Variants in CASZ1 observed in about 807,000 individuals in gnomAD.
CASZ1 encodes the protein castor zinc finger 1, also known as zinc finger protein castor homolog 1.
A neutral mutation model predicts 135.2 loss-of-function variants in CASZ1; 28 were observed. The observed-to-expected ratio is 0.21, with a 90% CI of 0.15 to 0.28. The LOEUF is 0.28. Among genes scored for constraint, CASZ1 ranks in the 10% least tolerant of loss-of-function variants. CASZ1 has a pLI of 1.00. For missense variants in CASZ1, 2,161 were observed against 2,453.3 expected (o/e 0.88, Z 2.52); for synonymous variants, 1,068 against 1,073.4 (o/e 0.99, Z 0.10).
rs747370682 is a variant in CASZ1 at position 10,653,583 on chromosome 1, G to A, written c.2474C>T (p.Ser825Leu). ...VGTPSLLGAV[S>L]SGSAASATPD... ...GGTGGCTGAGGCTGCTGACCCAGAC[G>A]ACACGGCACCCAGGAGGCTGGGGGT... Residue 825 changes from serine to leucine, a missense_variant, in exon 11 of 21, where the codon TCG (serine) becomes TTG (leucine). Around this residue, in one of 7 missense-constraint regions of CASZ1, gnomAD observed 406 missense variants for 387.6 expected, o/e 1.05. Transcript: ENST00000377022. The A allele has an allele frequency of 3.7e-5, 58 of 1,562,892 alleles. No individual in the cohort carries two copies. Among genetic ancestry groups the A allele is most frequent in the Middle Eastern group, 1.7e-4 (1 of 5,824 alleles).
rs778912711 is a variant in CASZ1 at position 10,639,113 on chromosome 1, G to GTCGTCGTCGTCC, written c.5097_5108dup (p.Glu1699_Asp1702dup). On this transcript the variant is annotated inframe_insertion, in exon 21 of 21. Coordinates refer to ENST00000377022, the MANE Select transcript of CASZ1 (RefSeq NM_001079843.3). The surrounding 1 kb of genome is among the most constrained non-coding windows in gnomAD (Gnocchi z 4.0). ...CGTCGTCGTCCTCGTCGTCGTCCTC[G>GTCGTCGTCGTCC]TCGTCGTCGTCCTCGTCGTCGTCCT... 1.1e-5 allele frequency: 12 copies of GTCGTCGTCGTCC among 1,132,762 alleles called. No homozygotes were observed. The highest frequency in any genetic ancestry group is 2.1e-5 in the South Asian group (1 of 46,922). The allele number at this position is 1,132,762 out of a possible 1,614,324, so 70.2% of individuals were successfully genotyped here.
At position 10,654,164 on chromosome 1, in the gene CASZ1, C is replaced by T. The variant is rs115296720; in HGVS notation, c.1893G>A (p.Lys631=). ...AGGCATCGTCCTTGATGTGGTAGCT[C>T]TTGTGCTTCTCGATGTCACACTTGT... The part of the protein sequence containing the change: ...FKNKCDIEKH[K]SYHIKDDAYA... Residue 631 remains lysine, a synonymous_variant, in exon 11 of 21, where the codon AAG becomes AAA. Transcript: ENST00000377022. The T allele has an allele frequency of 0.013, 21,061 of 1,614,218 alleles. 189 individuals carry two copies. Among genetic ancestry groups the T allele is most frequent in the Non-Finnish European group, 0.016 (18,997 of 1,180,044 alleles).
intron 1 of CASZ1, among the ~76,000 whole-genome samples, chr1:10,770,450 G>GA (rs967524250): frequency 1.3e-5 from 2 of 152,246 alleles, no homozygotes; most frequent in East Asian, 1.9e-4. Context: ...TAATCAAGGA[G>GA]AAAAAATAGA....
intron 4 of CASZ1, among the ~76,000 whole-genome samples, chr1:10,693,589 A>C (rs1638834822): frequency 6.7e-6 from 1 of 150,158 alleles, no homozygotes; most frequent in South Asian, 2.1e-4. Context: ...CCCCACAAAA[A>C]CCCCCTAAAT....
chr1:10,688,142 C>T (rs947542716), intron 4 of CASZ1, among the ~76,000 whole-genome samples: 8 of 152,168 alleles, frequency 5.3e-5, no homozygotes, highest in African/African-American at 1.2e-4. Flanking sequence ...TAGGAGCAGC[C>T]GTGGCAGAGG....
At chr1:10,640,654 T>A (rs1379815632) in intron 20 of CASZ1, among the ~76,000 whole-genome samples, 2 of 152,188 alleles carry the variant, frequency 1.3e-5, no homozygotes, top group Non-Finnish European at 2.9e-5. Context: ...CTTTAAGGTC[T>A]TGTTGGGGTT....
intron 4 of CASZ1, among the ~76,000 whole-genome samples, chr1:10,674,266 C>A (rs939008974): frequency 1.3e-5 from 2 of 152,264 alleles, no homozygotes; most frequent in East Asian, 1.9e-4. Context: ...AAGAGGAGGG[C>A]CAGTGCCTCC....
intron 5 of CASZ1, among the ~76,000 whole-genome samples, chr1:10,661,858 ATACACTCT>A (rs1249831693): frequency 3.6e-4 from 54 of 151,998 alleles, no homozygotes; most frequent in Non-Finnish European, 5.3e-4. Flanking sequence ...ATGCATTCTC[ATACACTCT>A]TACACAGTCA....
At position 10,660,315 on chromosome 1, in the gene CASZ1, T is replaced by A; in HGVS notation, c.727A>T (p.Ile243Phe). The change falls in exon 6 of 21, where the codon ATC becomes TTC. Residue 243 changes from isoleucine (I) to phenylalanine (F), a missense_variant. Coordinates refer to ENST00000377022, the MANE Select transcript of CASZ1 (RefSeq NM_001079843.3). ...RARFSKYEEY[I>F]RKLKAGEQLS... Reference sequence around the variant, plus strand: ...TGCTCGCCAGCCTTGAGCTTGCGGATGTACTCCTCATACTTAGAGAACCGC... The same window carrying A: ...TGCTCGCCAGCCTTGAGCTTGCGGAAGTACTCCTCATACTTAGAGAACCGC... 2 of 1,614,112 alleles carry A rather than the reference T, an allele frequency of 1.2e-6. No homozygotes were observed. Among genetic ancestry groups the A allele is most frequent in the Non-Finnish European group, 1.7e-6 (2 of 1,180,012 alleles).
At chr1:10,686,694 G>A (rs932203249) in intron 4 of CASZ1, among the ~76,000 whole-genome samples, 1 of 152,228 alleles carries the variant, frequency 6.6e-6, no homozygotes, top group African/African-American at 2.4e-5. Context: ...CCTTAATGGG[G>A]CCGTAACCGT....
Position 10,759,149 on chromosome 1 carries a change from C to T in CASZ1, c.-77+1552G>A, listed in dbSNP as rs1156671001. On this transcript the variant is annotated intron_variant, in intron 2 of 20. Transcript: ENST00000377022. This position sits in a 1 kb window ranked among gnomAD's most constrained non-coding sequence, Gnocchi z 4.2. ...TTACCCTCTCAGAGGGGAGGGGGCT[C>T]TGCAGGCACTCACAGCCTCTTCATG... Among the ~76,000 whole-genome samples the T allele has an allele frequency of 1.3e-5, 2 of 152,212 alleles. No homozygotes were observed. The highest frequency in any genetic ancestry group is 2.9e-5 in the Non-Finnish European group (2 of 68,036).
rs1038998583 is a variant in CASZ1 at position 10,638,271 on chromosome 1, T to A, written c.*671A>T. 6.6e-6 allele frequency: 1 copy of A among 151,750 alleles called. No homozygotes were observed. The highest frequency in any genetic ancestry group is 2.4e-5 in the African/African-American group (1 of 41,248). The allele number at this position is 151,750 out of a possible 1,614,324, so 9.4% of individuals were successfully genotyped here. On this transcript the variant is annotated 3_prime_UTR_variant, in exon 21 of 21. Transcript: ENST00000377022. This position sits in a 1 kb window ranked among gnomAD's most constrained non-coding sequence, Gnocchi z 5.9. The stretch of plus-strand genomic sequence containing the variant: ...GACCCCGCCCCGGCCCCCAGCGGGC[T>A]ACTCTGGGTTTTGGACGCAGCCTCG...
intron 5 of CASZ1, among the ~76,000 whole-genome samples, chr1:10,662,706 AAC>A (rs1643089907): frequency 6.6e-6 from 1 of 151,916 alleles, no homozygotes; most frequent in Admixed American, 6.6e-5. Flanking sequence ...ACCCAGACAC[AAC>A]ACACACACTC....
intron 2 of CASZ1, among the ~76,000 whole-genome samples, chr1:10,746,850 A>G (rs191958155): frequency 1.3e-5 from 2 of 152,358 alleles, no homozygotes; most frequent in East Asian, 3.9e-4. Flanking sequence ...CATCAAGCCA[A>G]AAGCCCTGGC....
Position 10,659,951 on chromosome 1 carries a change from G to A in CASZ1, c.1091C>T (p.Ala364Val). The A allele has an allele frequency of 3.1e-6, 5 of 1,612,888 alleles. No individual in the cohort carries two copies. The highest frequency in any genetic ancestry group is 4.2e-6 in the Non-Finnish European group (5 of 1,179,972). ...GCGCCCCACCTTGCCTGTCTTGAAG[G>A]CGATGGCCCCGCCCATGTCGGGGCT... ...EGSPDMGGAI[A>V]FKTGKVGRPS... Residue 364 changes from alanine to valine, a missense_variant, in exon 6 of 21, where the codon GCC (alanine) becomes GTC (valine). Transcript: ENST00000377022.
rs1360708213 is a variant in CASZ1 at position 10,697,619 on chromosome 1, T to C, written c.-23-3707A>G. Among the ~76,000 whole-genome samples the C allele has an allele frequency of 6.6e-6, 1 of 150,606 alleles. No individual in the cohort carries two copies. The highest frequency in any genetic ancestry group is 2.5e-5 in the African/African-American group (1 of 40,800). On this transcript the variant is annotated intron_variant, in intron 3 of 20. Transcript: ENST00000377022. The surrounding 1 kb of genome is among the most constrained non-coding windows in gnomAD (Gnocchi z 4.7). ...CCCCCGCACCCCCAAGTTGCCCACC[T>C]ACACTCTCTCCCTCCCGAGCCTGGG... is the stretch of plus-strand genomic sequence containing the variant.
intron 7 of CASZ1, chr1:10,658,245 G>A: frequency 2.1e-6 from 1 of 478,546 alleles, no homozygotes; most frequent in Non-Finnish European, 3.8e-6. Context: ...CTGTGGCCAG[G>A]CCCTGCGTCG....
In CASZ1 at chr1:10,638,483, G is replaced by C. The variant is rs1253195428; in HGVS notation, c.*459C>G. On this transcript the variant is annotated 3_prime_UTR_variant, in exon 21 of 21. Transcript: ENST00000377022. The surrounding 1 kb of genome is among the most constrained non-coding windows in gnomAD (Gnocchi z 5.9). ...CCTTCTGCCCGTCTCCCCCTGGGCA[G>C]GGGGGAGGATCCTAGCTGCATGAGG... is the stretch of plus-strand genomic sequence containing the variant. The C allele has an allele frequency of 1.3e-5, 2 of 152,130 alleles. No homozygotes were observed. Among genetic ancestry groups the C allele is most frequent in the South Asian group, 2.1e-4 (1 of 4,826 alleles). The allele number at this position is 152,130 out of a possible 1,614,324, so 9.4% of individuals were successfully genotyped here.
rs908250418 is a variant in CASZ1, at chr1:10,727,098, C to T, written c.-76-21554G>A. ...ACGAAGGCAGAGGGGGAGCCATGGG[C>T]GCCAATGTCAAGCCCAGCCCACCAG... On this transcript the variant is annotated intron_variant, in intron 2 of 20. Coordinates refer to ENST00000377022, the MANE Select transcript of CASZ1 (RefSeq NM_001079843.3). This position sits in a 1 kb window ranked among gnomAD's most constrained non-coding sequence, Gnocchi z 5.3. Among the ~76,000 whole-genome samples the T allele has an allele frequency of 5.9e-5, 9 of 152,124 alleles. No individual in the cohort carries two copies. Among genetic ancestry groups the T allele is most frequent in the East Asian group, 1.9e-4 (1 of 5,172 alleles).
Sources: allele counts gnomAD v4.1 joint callset (sites outside exome capture counted in the v4.1 genomes callset), GRCh38; gene constraint gnomAD v4.1.1; regional missense constraint gnomAD v4.1.1; non-coding constraint Gnocchi (gnomAD v3.1); transcripts MANE v1.5; gene names NCBI Gene and HGNC (gene_info 2026-07-23, HGNC 2026-07-21).